Variants in TP63 observed in about 807,000 individuals in gnomAD.
TP63 encodes the protein tumor protein p63.
A neutral mutation model predicts 82.8 loss-of-function variants in TP63; 17 were observed. The observed-to-expected ratio is 0.21, with a 90% CI of 0.14 to 0.31. The LOEUF (loss-of-function observed/expected upper bound fraction) is 0.31. TP63 is among the 10% of genes least tolerant of loss of function. The pLI is 1.00. For missense variants in TP63, 648 were observed against 895.3 expected (o/e 0.72, Z 3.52); for synonymous variants, 330 against 321.7 (o/e 1.03, Z -0.28).
Position 189,804,475 on chromosome 3 carries a change from C to T in TP63, c.325-3797C>T, listed in dbSNP as rs569595336. Among the ~76,000 whole-genome samples the T allele has an allele frequency of 1.2e-4, 19 of 152,306 alleles. No individual in the cohort carries two copies. The South Asian group carries it at 3.7e-3, about 30-fold the overall frequency. ...CAAGAGGTTCTGCATTTTCATCTTG[C>T]ACTGAGCACTACAAATTGTACAAAT... On this transcript the variant is annotated intron_variant, in intron 3 of 13. Transcript: ENST00000264731.
At chr3:189,761,865 G>A (rs989591769) in intron 3 of TP63, among the ~76,000 whole-genome samples, 3 of 152,220 alleles carry the variant, frequency 2.0e-5, no homozygotes, top group South Asian at 4.1e-4. Flanking sequence ...CACATCTTAT[G>A]TGGATGGCAG....
In TP63 at chr3:189,683,419, C is replaced by T. The variant is rs1459108608; in HGVS notation, c.62+51842C>T. Among the ~76,000 whole-genome samples, 6 of 152,182 alleles carry T rather than the reference C, an allele frequency of 3.9e-5. No individual in the cohort carries two copies. The South Asian group carries it at 1.2e-3, about 32-fold the overall frequency. On this transcript the variant is annotated intron_variant, in intron 1 of 13. Transcript: ENST00000264731. ...CTTTGCTGCCTTGTGAAGCTCCTAC[C>T]ATCTACATAATGTTTTGATAATAAT... is the stretch of plus-strand genomic sequence containing the variant.
intron 1 of TP63, among the ~76,000 whole-genome samples, chr3:189,711,556 C>T (rs1355890414): frequency 6.6e-6 from 1 of 152,096 alleles, no homozygotes; most frequent in Non-Finnish European, 1.5e-5. Context: ...GAGGAAGTAA[C>T]ATTGGCTCCA....
chr3:189,682,662 T>G (rs1716085098), intron 1 of TP63, among the ~76,000 whole-genome samples: 1 of 151,094 alleles, frequency 6.6e-6, no homozygotes, highest in South Asian at 2.1e-4. Flanking sequence ...AATATAACTT[T>G]TAGCTAATTT....
At chr3:189,613,190 A>G in the TP63 span, among the ~76,000 whole-genome samples, 3 of 151,910 alleles carry the variant, frequency 2.0e-5, no homozygotes, top group Non-Finnish European at 4.4e-5. Context: ...TCACAGGCCC[A>G]GAGACCCAGG....
At chr3:189,869,264 A>C in intron 8 of TP63, 60 bp from the exon 9 acceptor site, 2 of 1,238,614 alleles carry the variant, frequency 1.6e-6, no homozygotes, top group Non-Finnish European at 2.4e-6. Flanking sequence ...AAGTATATTT[A>C]ATATGCATTA....
At chr3:189,864,447 C>A in intron 5 of TP63, 29 bp downstream of exon 5, 2 of 1,587,458 alleles carry the variant, frequency 1.3e-6, no homozygotes, top group South Asian at 2.2e-5. Context: ...TCTAACTGTT[C>A]AACCTCCTTG....
chr3:189,602,790 G>A, the TP63 span, among the ~76,000 whole-genome samples: 30 of 152,134 alleles, frequency 2.0e-4, no homozygotes, highest in South Asian at 6.2e-4. Flanking sequence ...TATATCGTTC[G>A]TAGAGTCTGC....
chr3:189,837,863 A>G (rs1194084801), intron 4 of TP63, among the ~76,000 whole-genome samples: 1 of 152,016 alleles, frequency 6.6e-6, no homozygotes, highest in East Asian at 1.9e-4. Flanking sequence ...GGGCTTAAGC[A>G]ATCCTCCCGT....
intron 3 of TP63, among the ~76,000 whole-genome samples, chr3:189,800,741 A>C (rs188329547): frequency 1.3e-5 from 2 of 152,236 alleles, no homozygotes; most frequent in East Asian, 3.9e-4. Context: ...TATTAATGCC[A>C]TGTGTCTCAT....
At chr3:189,774,650 A>G (rs1009376295) in intron 3 of TP63, among the ~76,000 whole-genome samples, 15 of 152,190 alleles carry the variant, frequency 9.9e-5, no homozygotes, top group African/African-American at 3.6e-4. Context: ...CCTTACAGTT[A>G]CCTGTAAATG....
intron 3 of TP63, 169 bp downstream of exon 3, chr3:189,738,943 T>G (rs1028557059): frequency 1.2e-5 from 11 of 919,410 alleles, no homozygotes; most frequent in Non-Finnish European, 1.7e-5. Flanking sequence ...GATTATGCAT[T>G]CTGGGTCTGC....
chr3:189,796,428 C>A (rs1335701751), intron 3 of TP63, among the ~76,000 whole-genome samples: 1 of 151,902 alleles, frequency 6.6e-6, no homozygotes, highest in Non-Finnish European at 1.5e-5. Flanking sequence ...GAGGGTAGGC[C>A]ATGGTGGGAG....
chr3:189,675,030 TTCTC>T (rs1475830141), intron 1 of TP63, among the ~76,000 whole-genome samples: 2 of 152,152 alleles, frequency 1.3e-5, no homozygotes, highest in African/African-American at 4.8e-5. Context: ...CAACAGGAAT[TTCTC>T]TCTCATAGTT....
Position 189,640,994 on chromosome 3 carries a change from T to C in TP63, c.62+9417T>C, listed in dbSNP as rs117354924. On this transcript the variant is annotated intron_variant, in intron 1 of 13. Coordinates refer to ENST00000264731, the MANE Select transcript of TP63 (RefSeq NM_003722.5). ...TTTGGATTTTATACGATAATTGTTTTTAATACCTAGCCTCTCTGAATTAAG... is the reference window on the plus strand; with the variant it reads ...TTTGGATTTTATACGATAATTGTTTCTAATACCTAGCCTCTCTGAATTAAG... 3.3e-3 allele frequency among the ~76,000 whole-genome samples: 495 copies of C among 152,260 alleles called. 21 individuals are homozygous for C. In the East Asian group the frequency reaches 0.08, roughly 25 times the overall value.
At chr3:189,874,028 G>A (rs1361620914) in intron 10 of TP63, among the ~76,000 whole-genome samples, 1 of 152,146 alleles carries the variant, frequency 6.6e-6, no homozygotes, top group Non-Finnish European at 1.5e-5. Flanking sequence ...TATGTTATTA[G>A]CTGTTGTAGG....
At chr3:189,728,532 T>C (rs1482946908) in intron 1 of TP63, among the ~76,000 whole-genome samples, 17 of 152,336 alleles carry the variant, frequency 1.1e-4, no homozygotes, top group South Asian at 1.0e-3. Context: ...AAGGTCAATC[T>C]GTAAGGGCTC....
chr3:189,695,287 A>T (rs1037093892), intron 1 of TP63, among the ~76,000 whole-genome samples: 1 of 151,104 alleles, frequency 6.6e-6, no homozygotes, highest in African/African-American at 2.5e-5. Flanking sequence ...TGGCCATTGA[A>T]AGCTCTTTCA....
chr3:189,868,483 G>C (rs1480021857), intron 7 of TP63, 97 bp from the exon 8 acceptor site: 19 of 1,549,730 alleles, frequency 1.2e-5, no homozygotes, highest in Non-Finnish European at 1.7e-5. Context: ...TAGTACGTTG[G>C]CGATGGCCCA....
Sources: allele counts gnomAD v4.1 joint callset (sites outside exome capture counted in the v4.1 genomes callset), GRCh38; gene constraint gnomAD v4.1.1; transcripts MANE v1.5; gene names NCBI Gene and HGNC (gene_info 2026-07-23, HGNC 2026-07-21).